The following MTDH variants were observed in gnomAD, a reference collection of about 807,000 sequenced individuals.
The protein encoded by MTDH is metadherin.
MTDH carries 34 observed loss-of-function variants against 72.7 expected under a neutral mutation model. The ratio of observed to expected loss-of-function variants is 0.47; its 90% CI spans 0.36 to 0.62. MTDH has a LOEUF of 0.62. Ranked by LOEUF, MTDH falls within the 20% of genes least tolerant of loss-of-function variation. The pLI is 0.00. For missense variants in MTDH, 677 were observed against 699.4 expected (o/e 0.97, Z 0.36); for synonymous variants, 266 against 268.9 (o/e 0.99, Z 0.10).
chr8:97,721,595 A>T (rs982094879), intron 10 of MTDH, among the ~76,000 whole-genome samples: 6 of 152,234 alleles, frequency 3.9e-5, no homozygotes, highest in Non-Finnish European at 8.8e-5. Flanking sequence ...GAGAAGCATT[A>T]CTTACCCTTC....
intron 5 of MTDH, among the ~76,000 whole-genome samples, chr8:97,689,700 C>A (rs1161708774): frequency 7.3e-6 from 1 of 137,788 alleles, no homozygotes; most frequent in East Asian, 2.2e-4. Flanking sequence ...CTTCTTCTTT[C>A]AGGCCTTTTT....
At position 97,664,280 on chromosome 8, in the gene MTDH, C is replaced by G. The variant is rs371327556; in HGVS notation, c.483+3107C>G. 2.3e-3 allele frequency among the ~76,000 whole-genome samples: 345 copies of G among 151,852 alleles called. 16 individuals are homozygous for G. The South Asian group carries it at 0.07, about 31-fold the overall frequency. On this transcript the variant is annotated intron_variant, in intron 2 of 11. Transcript: ENST00000336273. Reference sequence around the variant, plus strand: ...CTGAGGCAGGAGAATCACTTGAACACAGGAGGTGGAGGTTGTAGGGAGCTG... The same window carrying G: ...CTGAGGCAGGAGAATCACTTGAACAGAGGAGGTGGAGGTTGTAGGGAGCTG...
intron 1 of MTDH, among the ~76,000 whole-genome samples, chr8:97,660,411 T>C (rs940852901): frequency 3.9e-5 from 6 of 152,138 alleles, no homozygotes; most frequent in African/African-American, 7.2e-5. Context: ...TTATGTATCA[T>C]CTATGGCTGC....
chr8:97,720,646 CTTTTTT>C (rs34801268), intron 10 of MTDH, among the ~76,000 whole-genome samples: 3 of 126,520 alleles, frequency 2.4e-5, no homozygotes, highest in African/African-American at 3.0e-5. Flanking sequence ...GTCTATTTGA[CTTTTTT>C]TTTTTTTTTT....
At chr8:97,714,690 C>G in intron 9 of MTDH, among the ~76,000 whole-genome samples, 1 of 151,944 alleles carries the variant, frequency 6.6e-6, no homozygotes, top group East Asian at 1.9e-4. Flanking sequence ...AATACTGTTA[C>G]ATTACAACTT....
chr8:97,649,561 T>A (rs1037083258), intron 1 of MTDH, among the ~76,000 whole-genome samples: 2 of 152,234 alleles, frequency 1.3e-5, no homozygotes, highest in Non-Finnish European at 2.9e-5. Context: ...ATAATTCTGC[T>A]TAGCTAGATT....
chr8:97,668,855 A>G (rs936841460), intron 2 of MTDH, among the ~76,000 whole-genome samples: 1 of 151,554 alleles, frequency 6.6e-6, no homozygotes, highest in Non-Finnish European at 1.5e-5. Context: ...GCGCCCGGCC[A>G]TGTAACAACT....
rs371347805 is a variant in MTDH at position 97,719,045 on chromosome 8, A to C, written c.1381-4A>C. On this transcript the variant is annotated splice_polypyrimidine_tract_variant and splice_region_variant and intron_variant, in intron 9 of 11. Coordinates refer to ENST00000336273, the MANE Select transcript of MTDH (RefSeq NM_178812.4). ...ATAATCTAATAGGTTATTTTTCTCT[A>C]TAGGACACAGAAGAATTAGAAAAAG... 6.3e-7 allele frequency: 1 copy of C among 1,594,550 alleles called. No individual in the cohort carries two copies. Among genetic ancestry groups the C allele is most frequent in the East Asian group, 2.2e-5 (1 of 44,776 alleles).
At chr8:97,652,316 C>A (rs914839849) in intron 1 of MTDH, among the ~76,000 whole-genome samples, 1 of 152,164 alleles carries the variant, frequency 6.6e-6, no homozygotes, top group Non-Finnish European at 1.5e-5. Context: ...CACAACCCAG[C>A]GCCTTTACAT....
intron 6 of MTDH, among the ~76,000 whole-genome samples, chr8:97,699,418 C>T (rs1814011431): frequency 6.7e-6 from 1 of 149,930 alleles, no homozygotes; most frequent in Admixed American, 6.7e-5. Context: ...GCCTGGGTGA[C>T]AGAGTGAGAT....
chr8:97,644,291 TGGC>T lies in MTDH; in HGVS notation c.-207_-205del, dbSNP rs1047264814. The T allele has an allele frequency of 1.2e-5, 7 of 580,604 alleles. No homozygotes were observed. The highest frequency in any genetic ancestry group is 9.9e-5 in the South Asian group (4 of 40,564). The allele number at this position is 580,604 out of a possible 1,614,324, so 36.0% of individuals were successfully genotyped here. A position where few individuals can be genotyped will look rare whatever the true frequency, so the allele number is the denominator to read the frequency against. ...ACTCCCTCCCGCCTCCCGGGTCTCC[TGGC>T]GGCGGCGGAGTGAGGCTGACAGCGG... On this transcript the variant is annotated 5_prime_UTR_variant, in exon 1 of 12. Coordinates refer to ENST00000336273, the MANE Select transcript of MTDH (RefSeq NM_178812.4).
intron 9 of MTDH, 45 bp from the exon 10 acceptor site, chr8:97,719,001 TGAA>T: frequency 6.6e-7 from 1 of 1,505,542 alleles, no homozygotes; most frequent in East Asian, 2.3e-5. Context: ...TTTTAATTAA[TGAA>T]GAATGAATGC....
chr8:97,715,476 T>C (rs1036243071), intron 9 of MTDH, among the ~76,000 whole-genome samples: 3 of 152,244 alleles, frequency 2.0e-5, no homozygotes, highest in Non-Finnish European at 4.4e-5. Flanking sequence ...TAAGGAAATA[T>C]GTATTCAGTT....
chr8:97,701,407 G>A (rs1814119834), intron 7 of MTDH, among the ~76,000 whole-genome samples: 1 of 151,932 alleles, frequency 6.6e-6, no homozygotes, highest in Non-Finnish European at 1.5e-5. Flanking sequence ...ATTGTTTAGG[G>A]AATAATGACA....
intron 4 of MTDH, among the ~76,000 whole-genome samples, 156 bp from the exon 5 acceptor site, chr8:97,688,882 G>A (rs1459757150): frequency 6.6e-6 from 1 of 152,178 alleles, no homozygotes; most frequent in Non-Finnish European, 1.5e-5. Flanking sequence ...AGTGAAATGT[G>A]TTGTAAAATT....
At chr8:97,655,933 T>G (rs1162006767) in intron 1 of MTDH, among the ~76,000 whole-genome samples, 1 of 152,198 alleles carries the variant, frequency 6.6e-6, no homozygotes, top group Non-Finnish European at 1.5e-5. Flanking sequence ...AATGATGAAA[T>G]CAAGGGTTAA....
intron 10 of MTDH, among the ~76,000 whole-genome samples, chr8:97,722,228 A>T (rs1279756769): frequency 6.6e-6 from 1 of 151,960 alleles, no homozygotes; most frequent in African/African-American, 2.4e-5. Flanking sequence ...GTGCCTCTGC[A>T]CTCTAGGCTA....
At chr8:97,686,202 A>G (rs926108229) in intron 2 of MTDH, among the ~76,000 whole-genome samples, 2 of 152,222 alleles carry the variant, frequency 1.3e-5, no homozygotes, top group Admixed American at 6.5e-5. Context: ...AATATGTTGC[A>G]ATAGGTTTTA....
At chr8:97,695,686 G>A (rs898202044) in intron 6 of MTDH, among the ~76,000 whole-genome samples, 1 of 152,130 alleles carries the variant, frequency 6.6e-6, no homozygotes, top group Non-Finnish European at 1.5e-5. Flanking sequence ...GTATAGAGGA[G>A]TGAACAGGGA....
Sources: allele counts gnomAD v4.1 joint callset (sites outside exome capture counted in the v4.1 genomes callset), GRCh38; gene constraint gnomAD v4.1.1; transcripts MANE v1.5; gene names NCBI Gene and HGNC (gene_info 2026-07-23, HGNC 2026-07-21).